UBA6: variants seen among roughly 807,000 people sequenced by gnomAD.
UBA6 encodes ubiquitin like modifier activating enzyme 6, also known as ubiquitin-like modifier-activating enzyme 6.
UBA6 carries 87 observed loss-of-function variants against 148.3 expected under a neutral mutation model. That is an observed-to-expected ratio of 0.59 (90% CI 0.49 to 0.70). The LOEUF is 0.70. Among genes scored for constraint, UBA6 ranks in the 30% least tolerant of loss-of-function variants. UBA6 has a pLI of 0.00. For missense variants in UBA6, 1,186 were observed against 1,241.2 expected (o/e 0.96, Z 0.67); for synonymous variants, 376 against 401.0 (o/e 0.94, Z 0.75).
At chr4:67,647,624 T>A (rs1408290943) in intron 14 of UBA6, among the ~76,000 whole-genome samples, 3 of 152,094 alleles carry the variant, frequency 2.0e-5, no homozygotes, top group Admixed American at 6.5e-5. Flanking sequence ...CAAAGATAAT[T>A]AATTTAAGTT....
intron 2 of UBA6, 57 bp from the exon 3 acceptor site, chr4:67,682,270 C>T: frequency 7.4e-7 from 1 of 1,358,174 alleles, no homozygotes; most frequent in Non-Finnish European, 1.0e-6. Context: ...TATAATATCT[C>T]TTAAAGTTGT....
chr4:67,684,643 G>GGTTCTTTAT (rs71269061), intron 2 of UBA6, among the ~76,000 whole-genome samples: 34,800 of 151,964 alleles, frequency 0.23, 4,109 homozygotes, highest in Middle Eastern at 0.3. Context: ...AAAGACACAA[G>GGTTCTTTAT]ATATGCATTA....
chr4:67,696,747 T>C, intron 1 of UBA6, 40 bp from the exon 2 acceptor site: 2 of 1,498,678 alleles, frequency 1.3e-6, no homozygotes, highest in Non-Finnish European at 1.8e-6. Flanking sequence ...TCACATTTTA[T>C]AATGTAATAT....
intron 1 of UBA6, among the ~76,000 whole-genome samples, chr4:67,697,305 G>C (rs1730864737): frequency 6.6e-6 from 1 of 152,198 alleles, no homozygotes; most frequent in South Asian, 2.1e-4. Context: ...GTGCCCGCCT[G>C]TTTGGTACAT....
At chr4:67,645,798 A>G in intron 16 of UBA6, 140 bp downstream of exon 16, 1 of 414,620 alleles carries the variant, frequency 2.4e-6, no homozygotes, top group Non-Finnish European at 4.2e-6. Flanking sequence ...AAACAATTTC[A>G]GCTTTATAGG....
intron 17 of UBA6, among the ~76,000 whole-genome samples, chr4:67,641,448 TAGCTG>T (rs1249463003): frequency 1.3e-5 from 2 of 152,164 alleles, no homozygotes; most frequent in East Asian, 3.8e-4. Flanking sequence ...TCAAACAAAA[TAGCTG>T]AGGCCAATTG....
intron 2 of UBA6, 127 bp downstream of exon 2, chr4:67,696,518 T>TACACAC (rs4058361): frequency 2.1e-5 from 12 of 566,556 alleles, no homozygotes; most frequent in African/African-American, 1.7e-4. Context: ...CATATATACA[T>TACACAC]ACACACACAC....
chr4:67,681,640 T>C (rs766691267), intron 3 of UBA6, 49 bp from the exon 4 acceptor site: 1 of 1,307,554 alleles, frequency 7.6e-7, no homozygotes, highest in South Asian at 1.4e-5. Flanking sequence ...GAATACACAC[T>C]AGATATGTCT....
At chr4:67,680,860 T>C (rs1276715550) in intron 4 of UBA6, among the ~76,000 whole-genome samples, 4 of 152,154 alleles carry the variant, frequency 2.6e-5, no homozygotes, top group African/African-American at 7.2e-5. Flanking sequence ...AAGCAAGGAA[T>C]TGAGGGTGAC....
At chr4:67,621,295 T>G (rs1019410346) in intron 32 of UBA6, among the ~76,000 whole-genome samples, 2 of 152,220 alleles carry the variant, frequency 1.3e-5, no homozygotes, top group Non-Finnish European at 2.9e-5. Flanking sequence ...AATTTAAGAA[T>G]GATTAACCTC....
rs1391413148 is a variant in UBA6, at chr4:67,614,654, G to C, written c.*4343C>G. ...ATATAAGACTATCTTCATGACTCCAGGGTAGGGAATGGTTTTTTAAAACAA... is the reference window on the plus strand; with the variant it reads ...ATATAAGACTATCTTCATGACTCCACGGTAGGGAATGGTTTTTTAAAACAA... On this transcript the variant is annotated 3_prime_UTR_variant, in exon 33 of 33. Coordinates refer to ENST00000322244, the MANE Select transcript of UBA6 (RefSeq NM_018227.6). 1.3e-5 allele frequency: 2 copies of C among 152,104 alleles called. No individual in the cohort carries two copies. Among genetic ancestry groups the C allele is most frequent in the Admixed American group, 1.3e-4 (2 of 15,262 alleles). The allele number at this position is 152,104 out of a possible 1,614,324, so 9.4% of individuals were successfully genotyped here.
At chr4:67,636,118 C>CA (rs2109906812) in intron 19 of UBA6, among the ~76,000 whole-genome samples, 1 of 152,266 alleles carries the variant, frequency 6.6e-6, no homozygotes, top group African/African-American at 2.4e-5. Flanking sequence ...TATAGTCATT[C>CA]ATTCATCTAC....
chr4:67,630,749 C>CA (rs1466476173), intron 25 of UBA6, among the ~76,000 whole-genome samples: 2 of 151,778 alleles, frequency 1.3e-5, no homozygotes, highest in Admixed American at 6.6e-5. Context: ...CAGTTATTCT[C>CA]AAAAACACTT....
intron 13 of UBA6, among the ~76,000 whole-genome samples, chr4:67,652,189 C>T (rs566240785): frequency 2.0e-5 from 3 of 152,082 alleles, no homozygotes; most frequent in African/African-American, 7.2e-5. Flanking sequence ...TTGTAAAACA[C>T]GTATCTGATA....
At chr4:67,696,756 ATT>A (rs1401994881) in intron 1 of UBA6, 49 bp from the exon 2 acceptor site, 5 of 1,462,322 alleles carry the variant, frequency 3.4e-6, no homozygotes, top group Non-Finnish European at 3.8e-6. Context: ...ATAATGTAAT[ATT>A]TGATTACTTG....
intron 2 of UBA6, among the ~76,000 whole-genome samples, chr4:67,692,999 A>G (rs1328685489): frequency 6.6e-6 from 1 of 152,226 alleles, no homozygotes; most frequent in Non-Finnish European, 1.5e-5. Context: ...AGAAAATGAC[A>G]GGAGGATCAG....
In UBA6 at chr4:67,646,785, G is replaced by T; in HGVS notation, c.1255C>A (p.Leu419Ile). Residue 419 changes from leucine to isoleucine, a missense_variant, in exon 15 of 33, where the codon CTT (leucine) becomes ATT (isoleucine). Physicochemically the swap from Leu to Ile is conservative, Grantham distance 5. Coordinates refer to ENST00000322244, the MANE Select transcript of UBA6 (RefSeq NM_018227.6). Reference sequence around the variant, plus strand: ...GATTCAACAATATCTGCTGCTTCAAGATATAACTTAAAGTAGAAGATTAAA... The same window carrying T: ...GATTCAACAATATCTGCTGCTTCAATATATAACTTAAAGTAGAAGATTAAA... ...KFSPLCQWLY[L>I]EAADIVESLG... 1 of 1,598,562 alleles carries T rather than the reference G, an allele frequency of 6.3e-7. No homozygotes were observed. The highest frequency in any genetic ancestry group is 1.1e-5 in the South Asian group (1 of 88,398).
intron 9 of UBA6, among the ~76,000 whole-genome samples, chr4:67,667,494 T>A (rs1157619902): frequency 1.3e-5 from 2 of 152,116 alleles, no homozygotes; most frequent in African/African-American, 4.8e-5. Context: ...AATTGATTTT[T>A]CCCTCTCCTG....
intron 6 of UBA6, among the ~76,000 whole-genome samples, chr4:67,677,116 G>A (rs1158877716): frequency 6.6e-6 from 1 of 152,132 alleles, no homozygotes; most frequent in Non-Finnish European, 1.5e-5. Flanking sequence ...ACTTGCTTTG[G>A]CCGACAGGAT....
Sources: gnomAD v4.1 joint callset for allele counts (sites outside exome capture counted in the v4.1 genomes callset) on GRCh38, gnomAD v4.1.1 for gene constraint, MANE v1.5 for transcripts, NCBI Gene and HGNC (gene_info 2026-07-23, HGNC 2026-07-21) for gene names.